Variants in GUCY1A2 observed in about 807,000 individuals in gnomAD.
The protein encoded by GUCY1A2 is guanylate cyclase 1 soluble subunit alpha 2.
In GUCY1A2, 27 loss-of-function variants were observed where a neutral mutation model predicts 63.5. The observed-to-expected ratio is 0.43, with a 90% CI of 0.31 to 0.59. The LOEUF is 0.59. Ranked by LOEUF, GUCY1A2 falls within the 20% of genes least tolerant of loss-of-function variation. GUCY1A2 has a pLI of 0.11. For synonymous variants in GUCY1A2, 364 were observed against 343.5 expected (o/e 1.06, Z -0.66); for missense variants, 768 against 913.3 (o/e 0.84, Z 2.05).
intron 7 of GUCY1A2, among the ~76,000 whole-genome samples, chr11:106,705,107 G>A (rs888475176): frequency 1.3e-5 from 2 of 151,922 alleles, no homozygotes; most frequent in Non-Finnish European, 2.9e-5. Flanking sequence ...TGTAAATAAT[G>A]TTCACAGGAA....
intron 5 of GUCY1A2, among the ~76,000 whole-genome samples, chr11:106,802,207 C>T (rs1466276369): frequency 1.3e-5 from 2 of 152,084 alleles, no homozygotes; most frequent in Admixed American, 1.3e-4. Context: ...GCGGTCCTGC[C>T]TAGAAAATGA....
intron 4 of GUCY1A2, among the ~76,000 whole-genome samples, chr11:106,907,636 A>G (rs1860230714): frequency 6.6e-6 from 1 of 151,882 alleles, no homozygotes; most frequent in African/African-American, 2.4e-5. Flanking sequence ...ATTCCCACCT[A>G]TGAGTGAGAA....
intron 6 of GUCY1A2, among the ~76,000 whole-genome samples, chr11:106,769,389 A>G (rs1463156171): frequency 6.6e-6 from 1 of 152,168 alleles, no homozygotes; most frequent in African/African-American, 2.4e-5. Context: ...GAGTTTAATC[A>G]ATAATTTTTA....
At chr11:106,762,043 T>C (rs546999936) in intron 6 of GUCY1A2, among the ~76,000 whole-genome samples, 97 of 152,258 alleles carry the variant, frequency 6.4e-4, no homozygotes, top group African/African-American at 2.1e-3. Context: ...TTCATTATAC[T>C]TTGGGTAGCA....
intron 1 of GUCY1A2, among the ~76,000 whole-genome samples, chr11:106,997,117 C>T (rs963478219): frequency 1.3e-5 from 2 of 152,148 alleles, no homozygotes; most frequent in Admixed American, 1.3e-4. Context: ...CACTCTATTA[C>T]ATATTATATT....
chr11:106,832,944 G>C (rs900807055), intron 4 of GUCY1A2, among the ~76,000 whole-genome samples: 1 of 152,038 alleles, frequency 6.6e-6, no homozygotes, highest in Non-Finnish European at 1.5e-5. Context: ...TGCTAGGGCT[G>C]CTGTAAGGAA....
chr11:107,008,693 G>T (rs1861704922), intron 1 of GUCY1A2, among the ~76,000 whole-genome samples: 1 of 152,044 alleles, frequency 6.6e-6, no homozygotes, highest in African/African-American at 2.4e-5. Flanking sequence ...CCAAAATCAA[G>T]GTACAATACA....
At chr11:106,727,443 G>C (rs567197041) in intron 6 of GUCY1A2, among the ~76,000 whole-genome samples, 4 of 152,194 alleles carry the variant, frequency 2.6e-5, no homozygotes, top group Non-Finnish European at 5.9e-5. Flanking sequence ...TGCAAGATGA[G>C]AACATGTGAT....
At chr11:106,963,848 T>C (rs77938632) in intron 3 of GUCY1A2, among the ~76,000 whole-genome samples, 3,160 of 152,276 alleles carry the variant, frequency 0.021, 119 homozygotes, top group African/African-American at 0.072. Flanking sequence ...CAAAGTTCCT[T>C]TGGACTTATA....
Position 106,922,508 on chromosome 11 carries a change from T to C in GUCY1A2, c.1206+16952A>G, listed in dbSNP as rs1022391975. Among the ~76,000 whole-genome samples the C allele has an allele frequency of 4.0e-5, 6 of 150,726 alleles. No individual in the cohort carries two copies. In the East Asian group the frequency reaches 5.8e-4, roughly 15 times the overall value. ...GTATATAAATACATATATTTGTTTA[T>C]ATGCCTCTCTTATTAAATTGTGAGT... On this transcript the variant is annotated intron_variant, in intron 4 of 7. Transcript: ENST00000526355.
chr11:106,712,902 C>A (rs564254561), intron 6 of GUCY1A2, among the ~76,000 whole-genome samples: 4 of 152,276 alleles, frequency 2.6e-5, no homozygotes, highest in Admixed American at 2.6e-4. Flanking sequence ...CAAGTAGTTT[C>A]TTCACATATG....
At chr11:106,943,381 C>A (rs1234121119) in intron 3 of GUCY1A2, among the ~76,000 whole-genome samples, 1 of 152,168 alleles carries the variant, frequency 6.6e-6, no homozygotes, top group African/African-American at 2.4e-5. Flanking sequence ...CCTCAAGTGG[C>A]AAAATTTATA....
intron 5 of GUCY1A2, among the ~76,000 whole-genome samples, chr11:106,804,616 G>C (rs1441830937): frequency 6.6e-6 from 1 of 152,150 alleles, no homozygotes; most frequent in African/African-American, 2.4e-5. Context: ...GAAGAAGAGA[G>C]GGCTTTAGTA....
chr11:106,778,873 T>C (rs1000594130), intron 5 of GUCY1A2, among the ~76,000 whole-genome samples: 1 of 152,154 alleles, frequency 6.6e-6, no homozygotes, highest in Non-Finnish European at 1.5e-5. Context: ...GCCATCTAGA[T>C]CTGTGTGCTA....
At chr11:106,984,784 TTAAG>T (rs1189932884) in intron 2 of GUCY1A2, among the ~76,000 whole-genome samples, 1 of 152,206 alleles carries the variant, frequency 6.6e-6, no homozygotes, top group Non-Finnish European at 1.5e-5. Flanking sequence ...ATGAGAGTGA[TTAAG>T]TTTTATTTCA....
intron 7 of GUCY1A2, among the ~76,000 whole-genome samples, chr11:106,690,802 G>A (rs1406158682): frequency 6.6e-6 from 1 of 152,178 alleles, no homozygotes; most frequent in Non-Finnish European, 1.5e-5. Context: ...CAAGACAGTA[G>A]TGACAATGGA....
intron 4 of GUCY1A2, among the ~76,000 whole-genome samples, chr11:106,851,731 T>C (rs75369033): frequency 2.8e-4 from 43 of 152,116 alleles, no homozygotes; most frequent in African/African-American, 9.6e-4. Context: ...TAGCATACTA[T>C]TTTGATTACT....
intron 4 of GUCY1A2, among the ~76,000 whole-genome samples, chr11:106,889,053 T>G (rs545775997): frequency 6.6e-6 from 1 of 152,286 alleles, no homozygotes; most frequent in Non-Finnish European, 1.5e-5. Context: ...TACAATGCAC[T>G]GTATCTCTTA....
intron 3 of GUCY1A2, among the ~76,000 whole-genome samples, chr11:106,967,830 A>G (rs1861145683): frequency 6.6e-6 from 1 of 152,200 alleles, no homozygotes; most frequent in Admixed American, 6.5e-5. Flanking sequence ...AGATAAATAC[A>G]GAGCATCTAG....
Sources: gnomAD v4.1 joint callset for allele counts (sites outside exome capture counted in the v4.1 genomes callset) on GRCh38, gnomAD v4.1.1 for gene constraint, MANE v1.5 for transcripts, NCBI Gene and HGNC (gene_info 2026-07-23, HGNC 2026-07-21) for gene names.